Variants in PTPRD observed in about 807,000 individuals in gnomAD.
The protein encoded by PTPRD is protein tyrosine phosphatase receptor type D.
PTPRD carries 34 observed loss-of-function variants against 214.5 expected under a neutral mutation model. That is an observed-to-expected ratio of 0.16 (90% confidence interval 0.12 to 0.21). The LOEUF is 0.21. Ranked by LOEUF, PTPRD falls within the 10% of genes least tolerant of loss-of-function variation. The pLI is 1.00. For synonymous variants in PTPRD, 1,128 were observed against 845.7 expected, an observed-to-expected ratio of 1.33 and a Z score of -5.79; for missense variants, 2,545 against 2,398.7, an observed-to-expected ratio of 1.06 and a Z score of -1.27.
intron 14 of PTPRD, among the ~76,000 whole-genome samples, chr9:8,604,097 T>C (rs767507569): frequency 2.0e-5 from 3 of 152,194 alleles, no homozygotes; most frequent in Non-Finnish European, 2.9e-5. Context: ...TTAACATTCA[T>C]TGACAATCTA....
At chr9:9,432,842 G>C (rs1276975561) in intron 8 of PTPRD, among the ~76,000 whole-genome samples, 1 of 152,114 alleles carries the variant, frequency 6.6e-6, no homozygotes, top group African/African-American at 2.4e-5. Flanking sequence ...ACAAAGAAAG[G>C]ATTACAGCCA....
chr9:9,470,683 A>G (rs2094526142), intron 8 of PTPRD, among the ~76,000 whole-genome samples: 1 of 152,272 alleles, frequency 6.6e-6, no homozygotes, highest in African/African-American at 2.4e-5. Flanking sequence ...AGAAATCTAC[A>G]TTCTCTACTA....
intron 8 of PTPRD, among the ~76,000 whole-genome samples, chr9:9,430,388 C>T (rs1468382649): frequency 6.6e-6 from 1 of 150,992 alleles, no homozygotes; most frequent in Non-Finnish European, 1.5e-5. Context: ...AACCACTGCT[C>T]AACAAATTAA....
intron 44 of PTPRD, among the ~76,000 whole-genome samples, chr9:8,328,579 T>C (rs1836407106): frequency 7.1e-6 from 1 of 141,092 alleles, no homozygotes; most frequent in Non-Finnish European, 1.5e-5. Context: ...TCTTGCTAGG[T>C]TGGGGAAGTT....
At chr9:9,563,837 C>A (rs1450664619) in intron 8 of PTPRD, among the ~76,000 whole-genome samples, 1 of 152,114 alleles carries the variant, frequency 6.6e-6, no homozygotes. Context: ...ATATTGACAA[C>A]CAACATGCTT....
chr9:8,629,388 A>G (rs1040194472), intron 14 of PTPRD, among the ~76,000 whole-genome samples: 9 of 151,848 alleles, frequency 5.9e-5, no homozygotes, highest in African/African-American at 2.2e-4. Flanking sequence ...ATCACTGCAT[A>G]AATTTGTATT....
chr9:9,348,284 T>C (rs1419715495), intron 9 of PTPRD, among the ~76,000 whole-genome samples: 2 of 152,232 alleles, frequency 1.3e-5, no homozygotes, highest in South Asian at 2.1e-4. Context: ...ATAGCTATAA[T>C]GTCTCTGGCA....
intron 11 of PTPRD, among the ~76,000 whole-genome samples, chr9:8,813,300 G>C (rs2096852875): frequency 6.6e-6 from 1 of 152,090 alleles, no homozygotes; most frequent in African/African-American, 2.4e-5. Context: ...GCCAGAGGGA[G>C]TCACCAGCCA....
At chr9:8,527,725 G>C (rs2074573232) in intron 15 of PTPRD, among the ~76,000 whole-genome samples, 1 of 152,058 alleles carries the variant, frequency 6.6e-6, no homozygotes. Flanking sequence ...AAGAAATTTA[G>C]AATTATCTCT....
At chr9:9,996,831 C>A (rs1465166956) in intron 4 of PTPRD, among the ~76,000 whole-genome samples, 3 of 152,058 alleles carry the variant, frequency 2.0e-5, no homozygotes, top group African/African-American at 7.2e-5. Flanking sequence ...AGAAGAACAA[C>A]AAGACAACCT....
intron 8 of PTPRD, among the ~76,000 whole-genome samples, chr9:9,418,559 G>A (rs751247039): frequency 1.3e-5 from 2 of 151,914 alleles, no homozygotes; most frequent in South Asian, 2.1e-4. Context: ...TAGCTATTTC[G>A]TATCTCAATT....
chr9:8,468,197 C>T (rs886395373), intron 31 of PTPRD, among the ~76,000 whole-genome samples: 12 of 152,002 alleles, frequency 7.9e-5, no homozygotes, highest in African/African-American at 2.9e-4. Flanking sequence ...GAGCATCACT[C>T]TGCCCCTTTA....
intron 3 of PTPRD, among the ~76,000 whole-genome samples, chr9:10,156,619 G>A (rs2154282883): frequency 6.6e-6 from 1 of 152,246 alleles, no homozygotes; most frequent in Non-Finnish European, 1.5e-5. Context: ...CTTGTTTTGG[G>A]GTAGAGAGTT....
At chr9:10,146,211 A>G (rs1024912125) in intron 3 of PTPRD, among the ~76,000 whole-genome samples, 2 of 149,364 alleles carry the variant, frequency 1.3e-5, no homozygotes, top group Non-Finnish European at 3.0e-5. Flanking sequence ...ATATACATAC[A>G]TACTATTCTA....
At position 10,511,951 on chromosome 9, in the gene PTPRD, T is replaced by TATATATATATAC. The variant is rs1249327430; in HGVS notation, c.-600+100446_-600+100447insGTATATATATAT. On this transcript the variant is annotated intron_variant, in intron 2 of 45. Transcript: ENST00000381196. The stretch of plus-strand genomic sequence containing the variant: ...ATATACGTGTATATATATATACGTG[T>TATATATATATAC]GTGTATATATATATACGTGTGTGTG... 6.0e-3 allele frequency among the ~76,000 whole-genome samples: 471 copies of TATATATATATAC among 78,114 alleles called. 3 individuals carry two copies. Among genetic ancestry groups the TATATATATATAC allele is most frequent in the Non-Finnish European group, 9.6e-3 (373 of 38,836 alleles). The allele number at this position is 78,114 out of a possible 152,430, so 51.2% of individuals were successfully genotyped here.
intron 6 of PTPRD, among the ~76,000 whole-genome samples, chr9:9,758,795 A>G (rs911396898): frequency 1.3e-5 from 2 of 150,218 alleles, no homozygotes; most frequent in Non-Finnish European, 1.5e-5. Context: ...AGCAACTGGA[A>G]CATCAAGTCT....
At chr9:10,569,165 A>G (rs920052358) in intron 2 of PTPRD, among the ~76,000 whole-genome samples, 2 of 152,148 alleles carry the variant, frequency 1.3e-5, no homozygotes, top group African/African-American at 2.4e-5. Flanking sequence ...AAAACACATG[A>G]AAAAATGCTC....
chr9:8,950,533 G>A (rs2099095868), intron 11 of PTPRD, among the ~76,000 whole-genome samples: 1 of 150,514 alleles, frequency 6.6e-6, no homozygotes, highest in Non-Finnish European at 1.5e-5. Flanking sequence ...ACTGGGTTAA[G>A]AAGGTTTCTC....
At chr9:10,124,042 T>C (rs1043558622) in intron 3 of PTPRD, among the ~76,000 whole-genome samples, 1 of 152,202 alleles carries the variant, frequency 6.6e-6, no homozygotes, top group Non-Finnish European at 1.5e-5. Flanking sequence ...CTGAGTTTTA[T>C]TGCTACTATA....
Sources: gnomAD v4.1 joint callset for allele counts (sites outside exome capture counted in the v4.1 genomes callset) on GRCh38, gnomAD v4.1.1 for gene constraint, MANE v1.5 for transcripts, NCBI Gene and HGNC (gene_info 2026-07-23, HGNC 2026-07-21) for gene names.